The following ELAC2 variants were observed in gnomAD, a reference collection of about 807,000 sequenced individuals.
ELAC2 encodes elaC ribonuclease Z 2, also known as zinc phosphodiesterase ELAC protein 2.
In ELAC2, 92 loss-of-function variants were observed where a neutral mutation model predicts 105.2. The observed-to-expected ratio is 0.87, with a 90% CI of 0.74 to 1.04. The LOEUF (loss-of-function observed/expected upper bound fraction) is 1.04. ELAC2 is among the 50% of genes least tolerant of loss of function. The probability of loss-of-function intolerance (pLI) is 0.00; values close to 1 mark genes in which losing one functional copy is unlikely to be tolerated. For missense variants in ELAC2, 1,099 were observed against 1,071.7 expected (o/e 1.03, Z -0.36); for synonymous variants, 468 against 409.1 (o/e 1.14, Z -1.74).
intron 19 of ELAC2, 87 bp from the exon 20 acceptor site, chr17:12,995,149 A>G (rs1308623954): frequency 4.6e-6 from 6 of 1,317,278 alleles, no homozygotes; most frequent in African/African-American, 4.3e-5. Flanking sequence ...GGAGAACCCC[A>G]AAATCATTCT....
At chr17:13,003,215 A>T (rs1351011479) in intron 12 of ELAC2, among the ~76,000 whole-genome samples, 1 of 152,234 alleles carries the variant, frequency 6.6e-6, no homozygotes, top group Non-Finnish European at 1.5e-5. Flanking sequence ...ACCAAACGGC[A>T]GTATTTGTTC....
At position 12,995,059 on chromosome 17, in the gene ELAC2, C is replaced by G; in HGVS notation, c.1812G>C (p.Met604Ile). 6.2e-7 allele frequency: 1 copy of G among 1,614,028 alleles called. No individual in the cohort carries two copies. Among genetic ancestry groups the G allele is most frequent in the Non-Finnish European group, 8.5e-7 (1 of 1,179,926 alleles). ...QCQEVLHHISMIPAKCLQEGA... is the reference protein window; with the variant it reads ...QCQEVLHHISIIPAKCLQEGA... ...CTTCCTGAAGGCATTTGGCAGGAAT[C>G]ATACTGTAAAAAGACAAAACATTTA... Residue 604 changes from methionine to isoleucine, a missense_variant, in exon 20 of 24, where the codon ATG becomes ATC. Met to Ile is a conservative substitution (Grantham distance 10, BLOSUM62 1). Transcript: ENST00000338034.
rs768318818 is a variant in ELAC2 at position 13,005,109 on chromosome 17, A to C, written c.871-8T>G. ...CAGCTCTTCAGCCAAAATCTGCAAA[A>C]CCAAATAAGCCCGCCCACTGGGGGT... On this transcript the variant is annotated splice_region_variant and splice_polypyrimidine_tract_variant and intron_variant, in intron 10 of 23. Coordinates refer to ENST00000338034, the MANE Select transcript of ELAC2 (RefSeq NM_018127.7). 1 of 1,608,544 alleles carries C rather than the reference A, an allele frequency of 6.2e-7. No individual in the cohort carries two copies. The highest frequency in any genetic ancestry group is 2.2e-5 in the East Asian group (1 of 44,864).
chr17:12,994,371 C>T (rs145824949), intron 22 of ELAC2, 54 bp downstream of exon 22: 11 of 1,596,596 alleles, frequency 6.9e-6, no homozygotes, highest in African/African-American at 4.0e-5. Flanking sequence ...CTCAGTGTCA[C>T]GTAGTGGGGG....
intron 21 of ELAC2, 45 bp from the exon 22 acceptor site, chr17:12,994,548 C>T (rs750343273): frequency 1.1e-5 from 17 of 1,610,312 alleles, no homozygotes; most frequent in Middle Eastern, 1.6e-4. Flanking sequence ...TCTGCGAGAG[C>T]GGCACACAGG....
At position 12,992,110 on chromosome 17, in the gene ELAC2, A is replaced by T. The variant is rs1339410275; in HGVS notation, c.*708T>A. 2.0e-5 allele frequency among the ~76,000 whole-genome samples: 3 copies of T among 150,376 alleles called. No homozygotes were observed. The highest frequency in any genetic ancestry group is 4.4e-5 in the Non-Finnish European group (3 of 67,456). On this transcript the variant is annotated 3_prime_UTR_variant, in exon 24 of 24. Coordinates refer to ENST00000338034, the MANE Select transcript of ELAC2 (RefSeq NM_018127.7). ...CCTGACCAATGACACCAGCCCAGCC[A>T]GGCTCTCACTGATTGATTTGATTGA...
chr17:12,996,585 C>T lies in ELAC2; in HGVS notation c.1621G>A (p.Ala541Thr), dbSNP rs5030739. Residue 541 changes from alanine (A) to threonine (T), a missense_variant, in exon 17 of 24, where the codon GCT (alanine) becomes ACT (threonine). Physicochemically the swap from Ala to Thr is moderately conservative, Grantham distance 58 (BLOSUM62 0). Transcript: ENST00000338034. ...QVDRVLGTLA[A>T]VFVSHLHADH... ...GCGTGCAGGTGGGACACAAACACAG[C>T]AGCCAGGGTGCCCAGGACCCTGTCC... 0.037 allele frequency: 59,906 copies of T among 1,614,038 alleles called. 1,293 individuals carry two copies. Among genetic ancestry groups the T allele is most frequent in the Middle Eastern group, 0.054 (327 of 6,062 alleles).
At chr17:12,993,907 G>A in intron 22 of ELAC2, 76 bp from the exon 23 acceptor site, 3 of 1,606,222 alleles carry the variant, frequency 1.9e-6, no homozygotes, top group Non-Finnish European at 2.6e-6. Flanking sequence ...CACAGACCCT[G>A]GCCATCAACT....
chr17:13,017,715 G>T lies in ELAC2; in HGVS notation c.233C>A (p.Ser78Tyr). ...RDSGAALYVF[S>Y]EFNRYLFNCG... ...CTCGTTGACTGACCGGTTGAACTCG[G>T]AGAAGACGTAGAGCGCGGCGCCCGA... Residue 78 changes from serine to tyrosine, a missense_variant, in exon 1 of 24, where the codon TCC becomes TAC. Ser to Tyr is a moderately radical substitution (Grantham distance 144). Coordinates refer to ENST00000338034, the MANE Select transcript of ELAC2 (RefSeq NM_018127.7). The T allele has an allele frequency of 6.2e-7, 1 of 1,613,138 alleles. No homozygotes were observed. The highest frequency in any genetic ancestry group is 8.5e-7 in the Non-Finnish European group (1 of 1,179,798).
chr17:13,002,577 A>C lies in ELAC2; in HGVS notation c.1082T>G (p.Phe361Cys). The C allele has an allele frequency of 6.3e-7, 1 of 1,599,536 alleles. No homozygotes were observed. Among genetic ancestry groups the C allele is most frequent in the Non-Finnish European group, 8.5e-7 (1 of 1,171,658 alleles). ...GACCAAGTGCTGGGTGTCAGGCCCA[A>C]ACCTGTGAAGAAACAGACCCGGCAT... ...DSRYQQWMER[F>C]GPDTQHLVLN... The change falls in exon 13 of 24, where the codon TTT (phenylalanine) becomes TGT (cysteine). Residue 361 changes from phenylalanine to cysteine, a missense_variant and splice_region_variant. Phe to Cys is a radical substitution (Grantham distance 205). Transcript: ENST00000338034.
At chr17:13,004,575 A>G (rs55776918) in intron 11 of ELAC2, among the ~76,000 whole-genome samples, 40,706 of 152,162 alleles carry the variant, frequency 0.27, 5,698 homozygotes, top group Middle Eastern at 0.33. Flanking sequence ...CCATCCCATA[A>G]CACGGACTCT....
chr17:13,000,377 G>C, intron 14 of ELAC2, 103 bp from the exon 15 acceptor site: 1 of 1,113,878 alleles, frequency 9.0e-7, no homozygotes, highest in East Asian at 2.3e-5. Flanking sequence ...CAATCTGCAG[G>C]AAGTTCCTTC....
Position 12,992,424 on chromosome 17 carries a change from T to A in ELAC2, c.*394A>T, listed in dbSNP as rs889682076. The stretch of plus-strand genomic sequence containing the variant: ...TCAATCTTTATTGCAGCTGAAATAC[T>A]ATTTTCGTTAAGTCTCGGACACTTA... On this transcript the variant is annotated 3_prime_UTR_variant, in exon 24 of 24. Transcript: ENST00000338034. 63 of 373,344 alleles carry A rather than the reference T, an allele frequency of 1.7e-4. No homozygotes were observed. The highest frequency in any genetic ancestry group is 1.0e-3 in the African/African-American group (50 of 49,598). 23.1% of individuals were successfully genotyped at this position (373,344 alleles called of 1,614,324 possible).
intron 1 of ELAC2, 88 bp from the exon 2 acceptor site, chr17:13,017,209 G>GA (rs932378885): frequency 0.14 from 107,358 of 749,824 alleles, no homozygotes; most frequent in South Asian, 0.18. Flanking sequence ...GTAGACTCTG[G>GA]AAAAAAAAAA....
intron 15 of ELAC2, among the ~76,000 whole-genome samples, chr17:12,999,665 A>ATT (rs11439540): frequency 0.25 from 38,053 of 150,294 alleles, 4,966 homozygotes; most frequent in Middle Eastern, 0.32. Flanking sequence ...AGGAATTGGG[A>ATT]TTTTTTTTTT....
rs917643446 is a variant in ELAC2 at position 12,992,915 on chromosome 17, A to G, written c.2384T>C (p.Leu795Pro). The G allele has an allele frequency of 6.2e-7, 1 of 1,611,648 alleles. No individual in the cohort carries two copies. The highest frequency in any genetic ancestry group is 8.5e-7 in the Non-Finnish European group (1 of 1,180,016). Residue 795 changes from leucine (L) to proline (P), a missense_variant, in exon 24 of 24, where the codon CTG (leucine) becomes CCG (proline). Coordinates refer to ENST00000338034, the MANE Select transcript of ELAC2 (RefSeq NM_018127.7). ...RELRQVRAAL[L>P]SRELAGGLED... ...CAGGCCGCCTGCCAGCTCCCTGGAC[A>G]GGAGGGCCGCCCGCACCTGCCGCAG...
At position 12,995,049 on chromosome 17, in the gene ELAC2, T is replaced by C; in HGVS notation, c.1822A>G (p.Lys608Glu). 1.2e-6 allele frequency: 2 copies of C among 1,614,200 alleles called. No homozygotes were observed. Among genetic ancestry groups the C allele is most frequent in the Non-Finnish European group, 1.7e-6 (2 of 1,180,020 alleles). The change falls in exon 20 of 24, where the codon AAA (lysine) becomes GAA (glutamate). Residue 608 changes from lysine to glutamate, a missense_variant. Coordinates refer to ENST00000338034, the MANE Select transcript of ELAC2 (RefSeq NM_018127.7). Reference sequence around the variant, plus strand: ...ATCTCAGCCCCTTCCTGAAGGCATTTGGCAGGAATCATACTGTAAAAAGAC... The same window carrying C: ...ATCTCAGCCCCTTCCTGAAGGCATTCGGCAGGAATCATACTGTAAAAAGAC... The part of the protein sequence containing the change: ...VLHHISMIPA[K>E]CLQEGAEISS...
chr17:12,999,127 C>A (rs1308669517), intron 15 of ELAC2, among the ~76,000 whole-genome samples: 1 of 152,216 alleles, frequency 6.6e-6, no homozygotes, highest in Non-Finnish European at 1.5e-5. Flanking sequence ...GACCCACAGG[C>A]TATCTGTCAC....
At chr17:13,012,061 A>G (rs895473637) in intron 6 of ELAC2, among the ~76,000 whole-genome samples, 3 of 152,190 alleles carry the variant, frequency 2.0e-5, no homozygotes, top group Non-Finnish European at 4.4e-5. Context: ...ATGCTTATTT[A>G]TTATCATCAC....
Sources: gnomAD v4.1 joint callset for allele counts (sites outside exome capture counted in the v4.1 genomes callset) on GRCh38, gnomAD v4.1.1 for gene constraint, MANE v1.5 for transcripts, NCBI Gene and HGNC (gene_info 2026-07-23, HGNC 2026-07-21) for gene names.